TTC17: variants seen among roughly 807,000 people sequenced by gnomAD.
TTC17 encodes the protein tetratricopeptide repeat protein 17.
A neutral mutation model predicts 143.8 loss-of-function variants in TTC17; 58 were observed. The ratio of observed to expected loss-of-function variants is 0.40; its 90% CI spans 0.33 to 0.50. TTC17 has a LOEUF of 0.50. Among genes scored for constraint, TTC17 ranks in the 20% least tolerant of loss-of-function variants. TTC17 has a pLI of 0.49. For missense variants in TTC17, 1,273 were observed against 1,392.5 expected (o/e 0.91, Z 1.37); for synonymous variants, 501 against 497.8 (o/e 1.01, Z -0.09).
Position 43,451,411 on chromosome 11 carries a change from G to T in TTC17, c.3030+146G>T. Reference sequence around the variant, plus strand: ...GGATAATGTGAAATAACTCCCCTCAGAATGTTTCAGTCGCTTTTTCTATCA... The same window carrying T: ...GGATAATGTGAAATAACTCCCCTCATAATGTTTCAGTCGCTTTTTCTATCA... On this transcript the variant is annotated intron_variant, in intron 21 of 23. Coordinates refer to ENST00000039989, the MANE Select transcript of TTC17 (RefSeq NM_018259.6). 3 of 668,116 alleles carry T rather than the reference G, an allele frequency of 4.5e-6. No individual in the cohort carries two copies. The South Asian group carries it at 6.1e-5, about 14-fold the overall frequency. 41.4% of individuals were successfully genotyped at this position (668,116 alleles called of 1,614,324 possible).
intron 15 of TTC17, among the ~76,000 whole-genome samples, chr11:43,414,249 GTCACA>G (rs1487988579): frequency 1.3e-5 from 2 of 152,156 alleles, no homozygotes; most frequent in African/African-American, 4.8e-5. Context: ...GATGACAGAA[GTCACA>G]TCACAACAAT....
At chr11:43,462,695 G>T (rs888722779) in intron 21 of TTC17, among the ~76,000 whole-genome samples, 4 of 152,098 alleles carry the variant, frequency 2.6e-5, no homozygotes, top group Non-Finnish European at 5.9e-5. Context: ...AATTCACAAG[G>T]TAGGTATGTT....
chr11:43,448,172 A>G (rs772769116), intron 19 of TTC17, 50 bp downstream of exon 19: 5 of 1,603,856 alleles, frequency 3.1e-6, no homozygotes, highest in Non-Finnish European at 4.3e-6. Context: ...GTCCCATTGA[A>G]CCCAGCTGAC....
At chr11:43,476,424 A>G (rs1948185130) in intron 21 of TTC17, among the ~76,000 whole-genome samples, 1 of 152,230 alleles carries the variant, frequency 6.6e-6, no homozygotes, top group Non-Finnish European at 1.5e-5. Flanking sequence ...TGGAGAATGC[A>G]TGGTGTATTC....
chr11:43,481,770 A>C (rs903695903), intron 21 of TTC17, among the ~76,000 whole-genome samples: 1 of 151,776 alleles, frequency 6.6e-6, no homozygotes, highest in Non-Finnish European at 1.5e-5. Flanking sequence ...TTTTTTTCTG[A>C]TCAGACTCGC....
intron 8 of TTC17, among the ~76,000 whole-genome samples, chr11:43,398,913 C>T (rs1857729302): frequency 6.6e-6 from 1 of 152,188 alleles, no homozygotes; most frequent in Non-Finnish European, 1.5e-5. Flanking sequence ...TAACTGGTTT[C>T]TGTTATACCT....
chr11:43,484,357 A>G (rs1948342745), intron 21 of TTC17, among the ~76,000 whole-genome samples: 2 of 152,210 alleles, frequency 1.3e-5, no homozygotes, highest in African/African-American at 4.8e-5. Context: ...TTTTAAAAAT[A>G]TACATCGTTA....
At chr11:43,362,001 A>G (rs997330097) in intron 1 of TTC17, among the ~76,000 whole-genome samples, 1 of 130,224 alleles carries the variant, frequency 7.7e-6, no homozygotes, top group Non-Finnish European at 1.6e-5. Context: ...TTTTTTTGAG[A>G]TGGAGTTTTG....
intron 16 of TTC17, chr11:43,436,440 CATT>C (rs1377435018): frequency 1.9e-6 from 2 of 1,057,064 alleles, no homozygotes; most frequent in Non-Finnish European, 2.4e-6. Context: ...CTTTAACAAT[CATT>C]ATATTGTAGC....
Position 43,391,971 on chromosome 11 carries a change from A to G in TTC17, c.663+19A>G. The G allele has an allele frequency of 6.3e-7, 1 of 1,591,412 alleles. No individual in the cohort carries two copies. Among genetic ancestry groups the G allele is most frequent in the Non-Finnish European group, 8.5e-7 (1 of 1,173,366 alleles). The stretch of plus-strand genomic sequence containing the variant: ...ACAGAAGGTAAGTCATCAGTCACTT[A>G]AAGAGCCAGCGGGCTGAGCCAGCGG... On this transcript the variant is annotated intron_variant, in intron 5 of 23. Coordinates refer to ENST00000039989, the MANE Select transcript of TTC17 (RefSeq NM_018259.6).
intron 21 of TTC17, among the ~76,000 whole-genome samples, chr11:43,488,275 A>C (rs993493174): frequency 7.2e-5 from 11 of 152,182 alleles, no homozygotes; most frequent in Non-Finnish European, 1.2e-4. Flanking sequence ...CGCCCTGAAA[A>C]TGTAGAATTA....
intron 21 of TTC17, among the ~76,000 whole-genome samples, chr11:43,462,921 C>CTTTT (rs562594929): frequency 5.1e-5 from 6 of 117,722 alleles, no homozygotes; most frequent in African/African-American, 1.2e-4. Context: ...TGACAAAATT[C>CTTTT]TTTTTTTTTT....
Position 43,395,769 on chromosome 11 carries a change from CTT to C in TTC17, c.664-937_664-936del, listed in dbSNP as rs529788837. On this transcript the variant is annotated intron_variant, in intron 5 of 23. Transcript: ENST00000039989. The stretch of plus-strand genomic sequence containing the variant: ...TATTTTTAACTACATTAAAATAACT[CTT>C]TTAAAAATAATTGGTCCTTGTGAAA... Among the ~76,000 whole-genome samples, 119 of 152,246 alleles carry C rather than the reference CTT, an allele frequency of 7.8e-4. 4 individuals are homozygous for C. In the South Asian group the frequency reaches 0.023, roughly 29 times the overall value.
chr11:43,375,157 A>G (rs886144937), intron 1 of TTC17, among the ~76,000 whole-genome samples: 4 of 152,186 alleles, frequency 2.6e-5, no homozygotes, highest in African/African-American at 9.6e-5. Context: ...CCCCATGTAG[A>G]TACAAGATGG....
At chr11:43,451,965 A>G (rs1947666037) in intron 21 of TTC17, among the ~76,000 whole-genome samples, 1 of 152,212 alleles carries the variant, frequency 6.6e-6, no homozygotes, top group Non-Finnish European at 1.5e-5. Context: ...AGCAGACTCC[A>G]GTTATAATGA....
chr11:43,443,266 C>G, intron 16 of TTC17, 59 bp from the exon 17 acceptor site: 1 of 1,578,486 alleles, frequency 6.3e-7, no homozygotes, highest in Non-Finnish European at 8.6e-7. Context: ...TTGGAGTCAC[C>G]CAAGGTCTTG....
At chr11:43,433,070 G>A (rs373730786) in intron 16 of TTC17, among the ~76,000 whole-genome samples, 58 of 151,992 alleles carry the variant, frequency 3.8e-4, no homozygotes, top group African/African-American at 1.1e-3. Flanking sequence ...GCGCAGTCTC[G>A]GCTCGCTGCA....
At chr11:43,410,439 A>G (rs1023432826) in intron 15 of TTC17, among the ~76,000 whole-genome samples, 29 of 152,174 alleles carry the variant, frequency 1.9e-4, no homozygotes, top group African/African-American at 6.3e-4. Context: ...GCTCTCAAAT[A>G]TATAAAGATC....
At chr11:43,436,004 T>G (rs1359370912) in intron 16 of TTC17, among the ~76,000 whole-genome samples, 1 of 152,224 alleles carries the variant, frequency 6.6e-6, no homozygotes, top group Non-Finnish European at 1.5e-5. Context: ...ACAGTAATGA[T>G]CTGGCTTTGG....
Sources: allele counts gnomAD v4.1 joint callset (sites outside exome capture counted in the v4.1 genomes callset), GRCh38; gene constraint gnomAD v4.1.1; transcripts MANE v1.5; gene names NCBI Gene and HGNC (gene_info 2026-07-23, HGNC 2026-07-21).